PIF1: variants seen among roughly 807,000 people sequenced by gnomAD.
PIF1 encodes PIF1 5'-to-3' DNA helicase.
Under a neutral mutation model 62.3 loss-of-function variants are expected in PIF1, and 67 were observed. The ratio of observed to expected loss-of-function variants is 1.08; its 90% CI spans 0.88 to 1.32. The LOEUF is 1.32. PIF1 is among the 40% of genes most tolerant of loss of function. The pLI, the probability that PIF1 is intolerant of heterozygous loss-of-function variation, is 0.00. For synonymous variants in PIF1, 364 were observed against 379.5 expected (o/e 0.96, Z 0.47); for missense variants, 886 against 866.1 (o/e 1.02, Z -0.29).
Position 64,821,164 on chromosome 15 carries a change from T to C in PIF1, c.1086+3A>G. 6.2e-7 allele frequency: 1 copy of C among 1,613,978 alleles called. No individual in the cohort carries two copies. Among genetic ancestry groups the C allele is most frequent in the Non-Finnish European group, 8.5e-7 (1 of 1,179,928 alleles). On this transcript the variant is annotated splice_donor_region_variant and intron_variant, in intron 6 of 12. Transcript: ENST00000559239. ...GAGAGCAGAGCTAGGAGGTGAGTAA[T>C]ACCTGGAAGCAGAACCGTGGGGGCT...
In PIF1 at chr15:64,816,187, A is replaced by C; in HGVS notation, c.*111T>G. 6.4e-7 allele frequency: 1 copy of C among 1,559,532 alleles called. No homozygotes were observed. The highest frequency in any genetic ancestry group is 8.7e-7 in the Non-Finnish European group (1 of 1,153,828). The stretch of plus-strand genomic sequence containing the variant: ...GGCTGAGAGTCCCTAAAAAATACAG[A>C]AGGGGACACTGCCTGCCTACTCCAG... On this transcript the variant is annotated 3_prime_UTR_variant, in exon 13 of 13. Coordinates refer to ENST00000559239, the MANE Select transcript of PIF1 (RefSeq NM_001286496.2).
chr15:64,819,964 G>A lies in PIF1; in HGVS notation c.1216C>T (p.Gln406Ter), dbSNP rs749887295. Reference protein sequence around the residue: ...LGRCSDEVTRQLQATASHKVG... With the variant: ...LGRCSDEVTR ...TTGTGGGAAGCTGTGGCCTGGAGCT[G>A]GCGGGTCACCTCATCTGAACACCTG... The change falls in exon 8 of 13, where the codon CAG (glutamine) becomes TAG (stop). Residue 406 changes from glutamine (Q) to a stop codon, truncating the protein, a stop_gained. Coordinates refer to ENST00000559239, the MANE Select transcript of PIF1 (RefSeq NM_001286496.2). LOFTEE classifies it high-confidence loss of function. 5 of 1,614,118 alleles carry A rather than the reference G, an allele frequency of 3.1e-6. No homozygotes were observed. Among genetic ancestry groups the A allele is most frequent in the Non-Finnish European group, 4.2e-6 (5 of 1,180,008 alleles).
chr15:64,820,974 G>T lies in PIF1; in HGVS notation c.1193+8C>A, dbSNP rs184277971. On this transcript the variant is annotated splice_region_variant and intron_variant, in intron 7 of 12. Transcript: ENST00000559239. ...CCCATAGCCCCTTCCCCAACCAGCAGAGCTCACCTGCCTAGCCTCACGGCC... is the reference window on the plus strand; with the variant it reads ...CCCATAGCCCCTTCCCCAACCAGCATAGCTCACCTGCCTAGCCTCACGGCC... 6.2e-7 allele frequency: 1 copy of T among 1,612,580 alleles called. No homozygotes were observed. The highest frequency in any genetic ancestry group is 1.3e-5 in the African/African-American group (1 of 75,024).
At chr15:64,822,652 T>C in intron 2 of PIF1, 42 bp from the exon 3 acceptor site, 1 of 1,610,432 alleles carries the variant, frequency 6.2e-7, no homozygotes, top group Non-Finnish European at 8.5e-7. Context: ...TCCCACCCGC[T>C]AGGCATTGCC....
In PIF1 at chr15:64,823,769, C is replaced by T. The variant is rs769780987; in HGVS notation, c.558+9G>A. On this transcript the variant is annotated intron_variant, in intron 2 of 12. Transcript: ENST00000559239. ...ACTCCTAAAGGTGTCCCTTCTTTCC[C>T]GTCCTCACTGTGCTAGGCTCGGCCC... 7.6e-5 allele frequency: 100 copies of T among 1,316,568 alleles called. No homozygotes were observed. The highest frequency in any genetic ancestry group is 8.6e-5 in the Non-Finnish European group (88 of 1,023,444). 81.6% of individuals were successfully genotyped at this position (1,316,568 alleles called of 1,614,324 possible).
Position 64,824,367 on chromosome 15 carries a change from C to A in PIF1, c.-19-13G>T. The A allele has an allele frequency of 8.1e-7, 1 of 1,240,760 alleles. No individual in the cohort carries two copies. The highest frequency in any genetic ancestry group is 2.5e-4 in the Middle Eastern group (1 of 3,950). The allele number at this position is 1,240,760 out of a possible 1,614,324, so 76.9% of individuals were successfully genotyped here. Reference sequence around the variant, plus strand: ...CGCCTCTGCTGGTCTGCGAAGACACCGGAGCACAGGGGTCATGAGGATTCA... The same window carrying A: ...CGCCTCTGCTGGTCTGCGAAGACACAGGAGCACAGGGGTCATGAGGATTCA... On this transcript the variant is annotated splice_polypyrimidine_tract_variant and intron_variant, in intron 1 of 12. Transcript: ENST00000559239.
intron 11 of PIF1, 62 bp from the exon 12 acceptor site, chr15:64,816,827 C>T: frequency 6.8e-7 from 1 of 1,461,316 alleles, no homozygotes; most frequent in South Asian, 1.4e-5. Context: ...CCCGAAAGGC[C>T]TGACCCTTTA....
At position 64,815,707 on chromosome 15, in the gene PIF1, CTATT is replaced by C. The variant is rs2084169087; in HGVS notation, c.*587_*590del. 2 of 1,550,274 alleles carry C rather than the reference CTATT, an allele frequency of 1.3e-6. No individual in the cohort carries two copies. The highest frequency in any genetic ancestry group is 2.7e-5 in the African/African-American group (2 of 73,058). ...ACATCCATTTCAATGTCCCCAAACA[CTATT>C]TATCCCCTGAAAAAGCAGCTTAAAA... is the stretch of plus-strand genomic sequence containing the variant. On this transcript the variant is annotated 3_prime_UTR_variant, in exon 13 of 13. Transcript: ENST00000559239.
In PIF1 at chr15:64,823,945, CGGGA is replaced by C; in HGVS notation, c.387_390del (p.Pro130GlyfsTer42). The C allele has an allele frequency of 9.2e-6, 12 of 1,309,212 alleles. No individual in the cohort carries two copies. Among genetic ancestry groups the C allele is most frequent in the Non-Finnish European group, 1.1e-5 (11 of 1,025,570 alleles). 81.1% of individuals were successfully genotyped at this position (1,309,212 alleles called of 1,614,324 possible). ...AGCTGCGCTCGGGCGGAGGCCGGCC[CGGGA>C]CCCGGGGCCGCAGCCAGCTTGAGGC... On this transcript the variant is annotated frameshift_variant, in exon 2 of 13. Coordinates refer to ENST00000559239, the MANE Select transcript of PIF1 (RefSeq NM_001286496.2). LOFTEE classifies it high-confidence loss of function.
At position 64,824,056 on chromosome 15, in the gene PIF1, C is replaced by T. The variant is rs940592477; in HGVS notation, c.280G>A (p.Asp94Asn). 48 of 1,263,414 alleles carry T rather than the reference C, an allele frequency of 3.8e-5. No homozygotes were observed. The highest frequency in any genetic ancestry group is 4.3e-5 in the Non-Finnish European group (43 of 1,005,984). 78.3% of individuals were successfully genotyped at this position (1,263,414 alleles called of 1,614,324 possible). Reference sequence around the variant, plus strand: ...TGCACTGCGCCGGCCCCGGGGGTGTCGTGGGCGGGGAGCCGCAGGGTGCTG... The same window carrying T: ...TGCACTGCGCCGGCCCCGGGGGTGTTGTGGGCGGGGAGCCGCAGGGTGCTG... Reference protein sequence around the residue: ...GRSTLRLPAHDTPGAGAVQLL... With the variant: ...GRSTLRLPAHNTPGAGAVQLL... Residue 94 changes from aspartate to asparagine, a missense_variant, in exon 2 of 13, where the codon GAC (aspartate) becomes AAC (asparagine). Physicochemically the swap from Asp to Asn is conservative, Grantham distance 23. Transcript: ENST00000559239.
chr15:64,818,375 C>T (rs369834896), intron 9 of PIF1, 31 bp from the exon 10 acceptor site: 2 of 1,603,964 alleles, frequency 1.2e-6, no homozygotes, highest in Non-Finnish European at 1.7e-6. Flanking sequence ...TGGACAGCAG[C>T]CCCCCTACCC....
chr15:64,817,113 T>C (rs1364919154), intron 11 of PIF1, among the ~76,000 whole-genome samples: 1 of 152,114 alleles, frequency 6.6e-6, no homozygotes, highest in Non-Finnish European at 1.5e-5. Flanking sequence ...ATCTATACTT[T>C]ATACTTGATA....
intron 11 of PIF1, 68 bp from the exon 12 acceptor site, chr15:64,816,833 C>A (rs2084193451): frequency 7.1e-6 from 10 of 1,407,620 alleles, no homozygotes; most frequent in Admixed American, 2.6e-5. Context: ...AGGCCTGACC[C>A]TTTACCAGCC....
rs1240313827 is a variant in PIF1, at chr15:64,815,743, T to C, written c.*555A>G. 2 of 1,550,616 alleles carry C rather than the reference T, an allele frequency of 1.3e-6. No individual in the cohort carries two copies. Among genetic ancestry groups the C allele is most frequent in the South Asian group, 1.2e-5 (1 of 84,064 alleles). ...CTGAAAAAGCAGCTTAAAATATGGG[T>C]GCACATTTTGCAGCTTATGTTCTTT... On this transcript the variant is annotated 3_prime_UTR_variant, in exon 13 of 13. Coordinates refer to ENST00000559239, the MANE Select transcript of PIF1 (RefSeq NM_001286496.2).
At chr15:64,820,024 G>A in intron 7 of PIF1, 38 bp from the exon 8 acceptor site, 1 of 1,597,556 alleles carries the variant, frequency 6.3e-7, no homozygotes, top group Non-Finnish European at 8.5e-7. Flanking sequence ...GCCCACCTGT[G>A]CAGCAGGGGA....
In PIF1 at chr15:64,822,575, C is replaced by G; in HGVS notation, c.594G>C (p.Leu198=). 1 of 1,614,168 alleles carries G rather than the reference C, an allele frequency of 6.2e-7. No individual in the cohort carries two copies. The highest frequency in any genetic ancestry group is 8.5e-7 in the Non-Finnish European group (1 of 1,180,040). ...GCTGTGGCTTGGTGGAGGGCAAGCT[C>G]AGCCTCTTCACAGGCAGGGGCCACC... ...APRWPLPVKR[L]SLPSTKPQLS... is the part of the protein sequence containing the mutation. The change falls in exon 3 of 13, where the codon CTG becomes CTC. Residue 198 remains leucine, a synonymous_variant. Coordinates refer to ENST00000559239, the MANE Select transcript of PIF1 (RefSeq NM_001286496.2).
intron 1 of PIF1, 97 bp downstream of exon 1, chr15:64,825,472 C>T (rs1025198444): frequency 6.6e-6 from 1 of 152,042 alleles, no homozygotes; most frequent in African/African-American, 2.4e-5. Context: ...TCGCGGGGGA[C>T]CCTGGGACCC....
chr15:64,824,318 C>T lies in PIF1; in HGVS notation c.18G>A (p.Glu6=). 4 of 1,256,114 alleles carry T rather than the reference C, an allele frequency of 3.2e-6. 1 individual carries two copies. The highest frequency in any genetic ancestry group is 6.4e-5 in the South Asian group (2 of 31,488). 77.8% of individuals were successfully genotyped at this position (1,256,114 alleles called of 1,614,324 possible). The part of the protein sequence containing the change: MLSGI[E]AAAGEYEDSE... ...AGTCCTCATATTCCCCTGCCGCCGC[C>T]TCTATGCCCGAGAGCATCGTCACCG... The change falls in exon 2 of 13, where the codon GAG becomes GAA. Residue 6 remains glutamate, a synonymous_variant. Transcript: ENST00000559239.
At chr15:64,822,418 C>G in intron 3 of PIF1, 27 bp from the exon 4 acceptor site, 1 of 1,614,120 alleles carries the variant, frequency 6.2e-7, no homozygotes, top group African/African-American at 1.3e-5. Flanking sequence ...TTAGACAGGT[C>G]TCCCTGTTCC....
Sources: gnomAD v4.1 joint callset for allele counts (sites outside exome capture counted in the v4.1 genomes callset) on GRCh38, gnomAD v4.1.1 for gene constraint, MANE v1.5 for transcripts, NCBI Gene and HGNC (gene_info 2026-07-23, HGNC 2026-07-21) for gene names.